ARHGEF3: variants seen among roughly 807,000 people sequenced by gnomAD.
ARHGEF3 encodes the protein Rho guanine nucleotide exchange factor 3.
ARHGEF3 carries 28 observed loss-of-function variants against 63.2 expected under a neutral mutation model. The observed-to-expected ratio is 0.44, with a 90% CI of 0.33 to 0.61. ARHGEF3 has a LOEUF of 0.61. Among genes scored for constraint, ARHGEF3 ranks in the 20% least tolerant of loss-of-function variants. ARHGEF3 has a pLI of 0.03. For synonymous variants in ARHGEF3, 266 were observed against 254.2 expected (o/e 1.05, Z -0.44); for missense variants, 533 against 659.3 (o/e 0.81, Z 2.10).
At chr3:56,742,401 T>C (rs2034094664) in intron 7 of ARHGEF3, among the ~76,000 whole-genome samples, 1 of 152,226 alleles carries the variant, frequency 6.6e-6, no homozygotes, top group African/African-American at 2.4e-5. Context: ...TGTGGTAATT[T>C]AGGCACTGCA....
chr3:56,990,804 C>G (rs1701718779), intron 2 of ARHGEF3, among the ~76,000 whole-genome samples: 1 of 152,112 alleles, frequency 6.6e-6, no homozygotes, highest in Non-Finnish European at 1.5e-5. Flanking sequence ...TCATGAATGG[C>G]AGAGCTTAAA....
Position 56,833,198 on chromosome 3 carries a change from A to G in ARHGEF3, c.192+49094T>C, listed in dbSNP as rs559808371. The stretch of plus-strand genomic sequence containing the variant: ...TCTCCACAACAGCTGCACCATTTAA[A>G]TTCCCACCAGCAATGTATAAGGGTT... On this transcript the variant is annotated intron_variant, in intron 4 of 12. Coordinates refer to the ARHGEF3 transcript ENST00000338458. 2.6e-5 allele frequency among the ~76,000 whole-genome samples: 4 copies of G among 152,304 alleles called. No individual in the cohort carries two copies. In the South Asian group the frequency reaches 8.3e-4, roughly 32 times the overall value.
chr3:56,890,199 T>C (rs2041073667), intron 3 of ARHGEF3, among the ~76,000 whole-genome samples: 1 of 152,224 alleles, frequency 6.6e-6, no homozygotes, highest in African/African-American at 2.4e-5. Flanking sequence ...AAAATGCAGC[T>C]CCACCTTTGC....
At chr3:56,892,800 G>A (rs931608607) in intron 3 of ARHGEF3, among the ~76,000 whole-genome samples, 2 of 152,174 alleles carry the variant, frequency 1.3e-5, no homozygotes, top group Non-Finnish European at 2.9e-5. Flanking sequence ...ACCTAGAAAT[G>A]CTCCTGGTTC....
chr3:56,897,574 T>A (rs532062792), intron 3 of ARHGEF3, among the ~76,000 whole-genome samples: 1 of 152,080 alleles, frequency 6.6e-6, no homozygotes, highest in East Asian at 1.9e-4. Context: ...TCTTTTTTTT[T>A]TTTTTGAGAT....
intron 4 of ARHGEF3, among the ~76,000 whole-genome samples, chr3:56,828,987 C>T (rs981797712): frequency 1.4e-4 from 22 of 152,094 alleles, no homozygotes; most frequent in Non-Finnish European, 2.6e-4. Context: ...AGGGCAGTGG[C>T]GCAATCTTGG....
chr3:57,031,183 G>T (rs1703715077), intron 2 of ARHGEF3, among the ~76,000 whole-genome samples: 1 of 152,200 alleles, frequency 6.6e-6, no homozygotes, highest in African/African-American at 2.4e-5. Context: ...GGTAAACTGT[G>T]TAATAATGGT....
At chr3:57,064,691 G>C (rs758079266) in intron 1 of ARHGEF3, among the ~76,000 whole-genome samples, 9 of 152,140 alleles carry the variant, frequency 5.9e-5, no homozygotes, top group Admixed American at 1.3e-4. Flanking sequence ...AGTCACAAAA[G>C]GACAAATATG....
chr3:57,019,953 C>T (rs1208092394), intron 2 of ARHGEF3, among the ~76,000 whole-genome samples: 4 of 152,102 alleles, frequency 2.6e-5, no homozygotes, highest in Non-Finnish European at 5.9e-5. Flanking sequence ...GGCTGGAGTA[C>T]AATGGTGCAA....
In ARHGEF3 at chr3:56,920,893, A is replaced by G. The variant is rs374554066; in HGVS notation, c.129+37930T>C. Reference sequence around the variant, plus strand: ...TGGTGAAACCCTGTCTCTACTAAAAATACAAAAAAAAATTAGCCAGGCGTG... The same window carrying G: ...TGGTGAAACCCTGTCTCTACTAAAAGTACAAAAAAAAATTAGCCAGGCGTG... On this transcript the variant is annotated intron_variant, in intron 3 of 12. Coordinates refer to the ARHGEF3 transcript ENST00000338458. Among the ~76,000 whole-genome samples, 29 of 152,130 alleles carry G rather than the reference A, an allele frequency of 1.9e-4. 1 individual carries two copies. Among genetic ancestry groups the G allele is most frequent in the Middle Eastern group, 6.8e-3 (2 of 294 alleles).
intron 1 of ARHGEF3, among the ~76,000 whole-genome samples, chr3:57,041,492 G>A (rs1005533676): frequency 6.6e-6 from 1 of 152,194 alleles, no homozygotes; most frequent in African/African-American, 2.4e-5. Context: ...CTAATGGGGT[G>A]TTAGGCATAC....
chr3:57,072,817 C>T (rs1021840079), intron 1 of ARHGEF3, among the ~76,000 whole-genome samples: 5 of 151,690 alleles, frequency 3.3e-5, no homozygotes, highest in Non-Finnish European at 7.4e-5. Context: ...GAGGCCAAGG[C>T]GGGTGGATCA....
At chr3:56,742,196 G>C (rs2034081377) in intron 7 of ARHGEF3, among the ~76,000 whole-genome samples, 1 of 151,208 alleles carries the variant, frequency 6.6e-6, no homozygotes. Context: ...TTTAGGAGTT[G>C]AGAAATAGTG....
chr3:56,964,812 A>G (rs1700423231), intron 2 of ARHGEF3, among the ~76,000 whole-genome samples: 1 of 152,138 alleles, frequency 6.6e-6, no homozygotes. Context: ...AGGTGATGAG[A>G]AAAGGGAAAA....
intron 1 of ARHGEF3, among the ~76,000 whole-genome samples, chr3:56,793,286 C>T (rs1251907943): frequency 1.3e-5 from 2 of 152,142 alleles, no homozygotes; most frequent in Non-Finnish European, 2.9e-5. Context: ...TCTCCTGCCT[C>T]AGCCTCCCGA....
At chr3:56,959,067 C>T (rs995327893) in intron 2 of ARHGEF3, among the ~76,000 whole-genome samples, 2 of 152,190 alleles carry the variant, frequency 1.3e-5, no homozygotes, top group Non-Finnish European at 2.9e-5. Context: ...CAAACTCCTT[C>T]TCAGTTCCCC....
At chr3:56,834,440 A>G (rs747925004) in intron 4 of ARHGEF3, among the ~76,000 whole-genome samples, 2 of 152,198 alleles carry the variant, frequency 1.3e-5, no homozygotes, top group Non-Finnish European at 2.9e-5. Context: ...TATCCCAGTT[A>G]AACAATCTGA....
intron 3 of ARHGEF3, among the ~76,000 whole-genome samples, chr3:56,950,784 T>C (rs1699766808): frequency 1.3e-5 from 2 of 152,004 alleles, no homozygotes; most frequent in African/African-American, 4.8e-5. Flanking sequence ...ACTGGGTATA[T>C]ACCCAAAAGA....
intron 4 of ARHGEF3, among the ~76,000 whole-genome samples, chr3:56,846,677 A>G (rs1476084035): frequency 6.6e-6 from 1 of 152,074 alleles, no homozygotes; most frequent in Admixed American, 6.6e-5. Flanking sequence ...TTAGAACAGG[A>G]CTTGTATGGA....
Sources: allele counts gnomAD v4.1 joint callset (sites outside exome capture counted in the v4.1 genomes callset), GRCh38; gene constraint gnomAD v4.1.1; transcripts MANE v1.5; gene names NCBI Gene and HGNC (gene_info 2026-07-23, HGNC 2026-07-21).